Variants in NR3C2 observed in about 807,000 individuals in gnomAD.
The protein encoded by NR3C2 is nuclear receptor subfamily 3 group C member 2, also known as mineralocorticoid receptor.
In NR3C2, 15 loss-of-function variants were observed where a neutral mutation model predicts 86.4. The observed-to-expected ratio is 0.17, with a 90% CI of 0.12 to 0.27. NR3C2 has a LOEUF of 0.27. Among genes scored for constraint, NR3C2 ranks in the 10% least tolerant of loss-of-function variants. NR3C2 has a pLI of 1.00. For synonymous variants in NR3C2, 458 were observed against 450.5 expected (o/e 1.02, Z -0.21); for missense variants, 960 against 1,195.6 (o/e 0.80, Z 2.91).
At chr4:148,112,029 T>G (rs923566331) in intron 8 of NR3C2, among the ~76,000 whole-genome samples, 1 of 152,158 alleles carries the variant, frequency 6.6e-6, no homozygotes, top group Non-Finnish European at 1.5e-5. Flanking sequence ...TAATTTACTT[T>G]GGGAAACTTT....
intron 2 of NR3C2, among the ~76,000 whole-genome samples, chr4:148,393,950 C>G (rs970576821): frequency 6.6e-6 from 1 of 152,152 alleles, no homozygotes; most frequent in East Asian, 1.9e-4. Context: ...CTTATTTTGG[C>G]CAGCAGGGCT....
chr4:148,112,074 A>AT (rs1165806078), intron 8 of NR3C2, among the ~76,000 whole-genome samples: 4 of 152,196 alleles, frequency 2.6e-5, no homozygotes, highest in African/African-American at 9.6e-5. Context: ...AGCCGTTCAA[A>AT]AAACTATTCA....
chr4:148,416,112 T>C (rs1317556495), intron 2 of NR3C2, among the ~76,000 whole-genome samples: 1 of 152,208 alleles, frequency 6.6e-6, no homozygotes, highest in East Asian at 1.9e-4. Flanking sequence ...TGCATTTTTA[T>C]ATCATAATAA....
intron 2 of NR3C2, among the ~76,000 whole-genome samples, chr4:148,336,957 A>G (rs1377262150): frequency 1.3e-5 from 2 of 151,892 alleles, no homozygotes; most frequent in Non-Finnish European, 2.9e-5. Context: ...GTGCCTGACT[A>G]ATTTTTTTTA....
rs369151646 is a variant in NR3C2 at position 148,326,162 on chromosome 4, G to A, written c.1758-66045C>T. ...TCCAAGCACTTTGGGAGGCTGAGGC[G>A]GGAGGATCACAAGGTGAGGAGATCG... On this transcript the variant is annotated intron_variant, in intron 2 of 8. Coordinates refer to ENST00000358102, the MANE Select transcript of NR3C2 (RefSeq NM_000901.5). 1.1e-4 allele frequency among the ~76,000 whole-genome samples: 16 copies of A among 151,850 alleles called. No individual in the cohort carries two copies. The East Asian group carries it at 2.5e-3, about 24-fold the overall frequency.
chr4:148,202,162 A>C (rs1736754840), intron 3 of NR3C2, among the ~76,000 whole-genome samples: 1 of 152,200 alleles, frequency 6.6e-6, no homozygotes, highest in South Asian at 2.1e-4. Context: ...CATACTGAAC[A>C]TTGACATTTG....
intron 6 of NR3C2, among the ~76,000 whole-genome samples, chr4:148,134,824 T>A (rs529310438): frequency 7.1e-6 from 1 of 140,230 alleles, no homozygotes; most frequent in African/African-American, 2.6e-5. Flanking sequence ...AATTTTTGTA[T>A]TTTTTTTTTT....
At chr4:148,403,446 C>A (rs1229957277) in intron 2 of NR3C2, among the ~76,000 whole-genome samples, 1 of 151,890 alleles carries the variant, frequency 6.6e-6, no homozygotes, top group Non-Finnish European at 1.5e-5. Flanking sequence ...GGTGATCAAG[C>A]CCATAGAAAA....
intron 2 of NR3C2, among the ~76,000 whole-genome samples, chr4:148,375,703 T>C (rs944519307): frequency 5.9e-5 from 9 of 152,058 alleles, no homozygotes; most frequent in Non-Finnish European, 1.3e-4. Context: ...CCAAGCTTTT[T>C]CTTGAATTAA....
chr4:148,215,105 G>A (rs1737463751), intron 3 of NR3C2, among the ~76,000 whole-genome samples: 1 of 152,138 alleles, frequency 6.6e-6, no homozygotes. Context: ...GCCTAAGCAT[G>A]AAAAACAAAT....
intron 2 of NR3C2, among the ~76,000 whole-genome samples, chr4:148,311,334 T>C (rs1317900383): frequency 6.6e-6 from 1 of 152,204 alleles, no homozygotes; most frequent in Non-Finnish European, 1.5e-5. Context: ...TCAACATAGC[T>C]GAGAAAACAT....
chr4:148,258,298 T>C (rs1190275300), intron 3 of NR3C2, among the ~76,000 whole-genome samples: 3 of 152,162 alleles, frequency 2.0e-5, no homozygotes, highest in Admixed American at 6.5e-5. Context: ...CAGATGTAAA[T>C]CTCACCTATT....
At position 148,134,641 on chromosome 4, in the gene NR3C2, C is replaced by CTTTTTTTTTTTT. The variant is rs1379133428; in HGVS notation, c.2511-14354_2511-14353insAAAAAAAAAAAA. On this transcript the variant is annotated intron_variant, in intron 6 of 8. Coordinates refer to ENST00000358102, the MANE Select transcript of NR3C2 (RefSeq NM_000901.5). ...TCCCTGTGATTCTCTCTCTCTCTCT[C>CTTTTTTTTTTTT]TCTTTTTTTTTTTTTTTTTTTTTTT... Among the ~76,000 whole-genome samples the CTTTTTTTTTTTT allele has an allele frequency of 7.3e-3, 445 of 60,906 alleles. 46 individuals carry two copies. The highest frequency in any genetic ancestry group is 0.011 in the Non-Finnish European group (338 of 29,678). The allele number at this position is 60,906 out of a possible 152,430, so 40.0% of individuals were successfully genotyped here. A position where few individuals can be genotyped will look rare whatever the true frequency, so the allele number is the denominator to read the frequency against.
intron 2 of NR3C2, among the ~76,000 whole-genome samples, chr4:148,314,992 A>G (rs1405170833): frequency 6.6e-6 from 1 of 152,120 alleles, no homozygotes; most frequent in Non-Finnish European, 1.5e-5. Context: ...AAAGTCAAAC[A>G]CTCTTATTTA....
intron 3 of NR3C2, among the ~76,000 whole-genome samples, chr4:148,234,426 C>T (rs1738634125): frequency 6.6e-6 from 1 of 151,966 alleles, no homozygotes; most frequent in African/African-American, 2.4e-5. Context: ...AATCCCAGCA[C>T]TTTGGAAGGC....
intron 2 of NR3C2, among the ~76,000 whole-genome samples, chr4:148,328,807 G>A (rs115291938): frequency 1.6e-4 from 24 of 152,278 alleles, no homozygotes; most frequent in Admixed American, 3.3e-4. Context: ...TCAAAGCCTC[G>A]CAGCCAGTAC....
chr4:148,091,039 T>C lies in NR3C2; in HGVS notation c.2800-9540A>G, dbSNP rs550993259. Among the ~76,000 whole-genome samples, 10 of 152,338 alleles carry C rather than the reference T, an allele frequency of 6.6e-5. No individual in the cohort carries two copies. The South Asian group carries it at 1.9e-3, about 28-fold the overall frequency. ...CCAGAAAAGGGCTCAGCCTGTGTTG[T>C]TGGGGCGGCTAGGATGCCCACAGGG... On this transcript the variant is annotated intron_variant, in intron 8 of 8. Transcript: ENST00000358102.
At chr4:148,184,427 G>T (rs1035878177) in intron 4 of NR3C2, among the ~76,000 whole-genome samples, 3 of 151,556 alleles carry the variant, frequency 2.0e-5, no homozygotes, top group Non-Finnish European at 4.4e-5. Flanking sequence ...ACTCCAGCCT[G>T]GGTGACAAGA....
chr4:148,134,219 C>G (rs1733169276), intron 6 of NR3C2, among the ~76,000 whole-genome samples: 1 of 152,158 alleles, frequency 6.6e-6, no homozygotes, highest in South Asian at 2.1e-4. Flanking sequence ...TTGTTCAGGA[C>G]ATTATGAACA....
Sources: gnomAD v4.1 joint callset for allele counts (sites outside exome capture counted in the v4.1 genomes callset) on GRCh38, gnomAD v4.1.1 for gene constraint, MANE v1.5 for transcripts, NCBI Gene and HGNC (gene_info 2026-07-23, HGNC 2026-07-21) for gene names.